GPC5: variants seen among roughly 807,000 people sequenced by gnomAD.
GPC5 encodes the protein glypican-5.
A neutral mutation model predicts 53.9 loss-of-function variants in GPC5; 47 were observed. The observed-to-expected ratio is 0.87, with a 90% CI of 0.69 to 1.11. The LOEUF is 1.11. GPC5 is among the 50% of genes most tolerant of loss of function. The pLI is 0.00. For synonymous variants in GPC5, 286 were observed against 263.3 expected, an observed-to-expected ratio of 1.09 and a Z score of -0.84; for missense variants, 748 against 713.1, an observed-to-expected ratio of 1.05 and a Z score of -0.56.
chr13:91,473,536 T>C (rs572157030), intron 2 of GPC5, among the ~76,000 whole-genome samples: 2 of 152,316 alleles, frequency 1.3e-5, no homozygotes, highest in African/African-American at 2.4e-5. Flanking sequence ...ATCTGACTGC[T>C]GTAAAATTGT....
chr13:91,766,909 T>G (rs1414915823), intron 5 of GPC5, among the ~76,000 whole-genome samples: 7 of 152,194 alleles, frequency 4.6e-5, no homozygotes, highest in Non-Finnish European at 4.4e-5. Context: ...ATTTGAAAAT[T>G]AAATGAGTTA....
At chr13:91,681,792 G>A (rs1271327150) in intron 2 of GPC5, among the ~76,000 whole-genome samples, 5 of 152,018 alleles carry the variant, frequency 3.3e-5, no homozygotes, top group African/African-American at 9.7e-5. Context: ...GCAACACATA[G>A]CTTTCTCTTT....
At chr13:91,462,074 T>C (rs1437059029) in intron 2 of GPC5, among the ~76,000 whole-genome samples, 2 of 152,132 alleles carry the variant, frequency 1.3e-5, no homozygotes, top group Non-Finnish European at 2.9e-5. Context: ...TGACTCTCAC[T>C]GTAATGGAAA....
intron 2 of GPC5, among the ~76,000 whole-genome samples, chr13:91,514,475 A>G (rs1258183337): frequency 6.6e-6 from 1 of 152,090 alleles, no homozygotes; most frequent in African/African-American, 2.4e-5. Context: ...TCCTTTGTCT[A>G]TTTTATAATT....
At chr13:91,402,389 T>C (rs1051435395) in intron 1 of GPC5, among the ~76,000 whole-genome samples, 2 of 152,330 alleles carry the variant, frequency 1.3e-5, no homozygotes, top group South Asian at 2.1e-4. Flanking sequence ...TGTTGTTGTT[T>C]TTTAAACTGC....
chr13:92,029,978 G>C (rs1180278713), intron 6 of GPC5, among the ~76,000 whole-genome samples: 1 of 152,052 alleles, frequency 6.6e-6, no homozygotes, highest in African/African-American at 2.4e-5. Context: ...AGAATTGTTT[G>C]GAATCATAAA....
intron 3 of GPC5, among the ~76,000 whole-genome samples, chr13:91,694,453 C>T (rs531400294): frequency 6.6e-5 from 10 of 152,112 alleles, no homozygotes; most frequent in Admixed American, 1.3e-4. Flanking sequence ...ACAGTGATGG[C>T]GTGATAATTT....
chr13:91,646,703 A>G (rs549368993), intron 2 of GPC5, among the ~76,000 whole-genome samples: 4 of 152,186 alleles, frequency 2.6e-5, no homozygotes, highest in African/African-American at 7.2e-5. Flanking sequence ...TACCTTAAAT[A>G]TATGCTTCTG....
chr13:92,382,922 G>A (rs2043761581), intron 7 of GPC5, among the ~76,000 whole-genome samples: 1 of 147,670 alleles, frequency 6.8e-6, no homozygotes, highest in African/African-American at 2.5e-5. Flanking sequence ...AGAATAGCGC[G>A]AACCCGGGAG....
At chr13:91,900,002 T>C (rs1014099086) in intron 5 of GPC5, among the ~76,000 whole-genome samples, 1 of 152,146 alleles carries the variant, frequency 6.6e-6, no homozygotes, top group African/African-American at 2.4e-5. Flanking sequence ...TTATATCATG[T>C]GTTGGTAGGA....
chr13:92,187,179 T>C (rs1366127979), intron 7 of GPC5, among the ~76,000 whole-genome samples: 1 of 152,170 alleles, frequency 6.6e-6, no homozygotes, highest in African/African-American at 2.4e-5. Context: ...ATGTAACCTG[T>C]ATTTACACGC....
At position 91,892,301 on chromosome 13, in the gene GPC5, AT is replaced by A. The variant is rs139124239; in HGVS notation, c.1281-15632del. Among the ~76,000 whole-genome samples, 4 of 151,884 alleles carry A rather than the reference AT, an allele frequency of 2.6e-5. No individual in the cohort carries two copies. In the East Asian group the frequency reaches 7.7e-4, roughly 29 times the overall value. On this transcript the variant is annotated intron_variant, in intron 5 of 7. Transcript: ENST00000377067. Reference sequence around the variant, plus strand: ...TTTCAACTCTTCTTACCAAAAATACATTTTCATACCCATAACTTTCTTCACA... The same window carrying A: ...TTTCAACTCTTCTTACCAAAAATACATTTCATACCCATAACTTTCTTCACA...
chr13:92,161,851 T>A (rs1464061192), intron 7 of GPC5, among the ~76,000 whole-genome samples: 1 of 150,522 alleles, frequency 6.6e-6, no homozygotes, highest in Non-Finnish European at 1.5e-5. Context: ...GGGATAGTTT[T>A]TATTGATTAT....
chr13:92,414,547 C>G (rs1876195789), intron 7 of GPC5, among the ~76,000 whole-genome samples: 1 of 150,906 alleles, frequency 6.6e-6, no homozygotes, highest in African/African-American at 2.4e-5. Flanking sequence ...AGGGGAAGTA[C>G]AGAGTGCTTT....
chr13:92,102,205 G>A (rs574853717), intron 6 of GPC5, among the ~76,000 whole-genome samples: 3 of 152,178 alleles, frequency 2.0e-5, no homozygotes, highest in South Asian at 2.1e-4. Flanking sequence ...TAAGAGGGGT[G>A]GGGAATAAAG....
chr13:92,103,565 A>AT (rs1295499838), intron 6 of GPC5, among the ~76,000 whole-genome samples: 2 of 152,128 alleles, frequency 1.3e-5, no homozygotes, highest in African/African-American at 2.4e-5. Context: ...GTAAATAGCT[A>AT]TTTTTGGAGA....
intron 5 of GPC5, among the ~76,000 whole-genome samples, chr13:91,777,852 T>C (rs1162196757): frequency 6.6e-6 from 1 of 152,166 alleles, no homozygotes; most frequent in Non-Finnish European, 1.5e-5. Context: ...CAGAATATGG[T>C]CAGATGACTT....
At chr13:91,551,705 C>A (rs1415268277) in intron 2 of GPC5, among the ~76,000 whole-genome samples, 1 of 151,942 alleles carries the variant, frequency 6.6e-6, no homozygotes, top group Non-Finnish European at 1.5e-5. Flanking sequence ...TCTGTTTGTT[C>A]TGCAGAGACA....
chr13:92,677,247 T>C (rs535913883), intron 7 of GPC5, among the ~76,000 whole-genome samples: 1 of 152,300 alleles, frequency 6.6e-6, no homozygotes, highest in East Asian at 1.9e-4. Flanking sequence ...CAACATATTT[T>C]TACATAAATA....
Sources: allele counts gnomAD v4.1 joint callset (sites outside exome capture counted in the v4.1 genomes callset), GRCh38; gene constraint gnomAD v4.1.1; transcripts MANE v1.5; gene names NCBI Gene and HGNC (gene_info 2026-07-23, HGNC 2026-07-21).